Variants in SMYD3 observed in about 807,000 individuals in gnomAD.
SMYD3 encodes histone-lysine N-methyltransferase SMYD3.
Under a neutral mutation model 57.7 loss-of-function variants are expected in SMYD3, and 36 were observed. The observed-to-expected ratio is 0.62, with a 90% CI of 0.48 to 0.82. The LOEUF is 0.82. Ranked by LOEUF, SMYD3 falls within the 40% of genes least tolerant of loss-of-function variation. The pLI is 0.00. For synonymous variants in SMYD3, 211 were observed against 195.0 expected (o/e 1.08, Z -0.68); for missense variants, 515 against 538.8 (o/e 0.96, Z 0.44).
intron 5 of SMYD3, among the ~76,000 whole-genome samples, chr1:246,166,217 T>C (rs2062207693): frequency 6.6e-6 from 1 of 152,098 alleles, no homozygotes; most frequent in Non-Finnish European, 1.5e-5. Flanking sequence ...ACATCAAAGG[T>C]CTATACTGAA....
intron 10 of SMYD3, among the ~76,000 whole-genome samples, chr1:245,793,752 C>T (rs966267146): frequency 6.6e-6 from 1 of 152,158 alleles, no homozygotes; most frequent in Admixed American, 6.5e-5. Context: ...TTAGCTTAGG[C>T]TAACGTGCAA....
chr1:246,362,697 G>C (rs1017324762), intron 1 of SMYD3, among the ~76,000 whole-genome samples: 1 of 152,270 alleles, frequency 6.6e-6, no homozygotes. Context: ...TCCTAACCGC[G>C]AGTGATCCGC....
At chr1:246,498,115 G>T (rs1454730452) in intron 1 of SMYD3, among the ~76,000 whole-genome samples, 1 of 152,186 alleles carries the variant, frequency 6.6e-6, no homozygotes, top group Non-Finnish European at 1.5e-5. Flanking sequence ...TCATTAGTGG[G>T]AATGCAAAAT....
intron 10 of SMYD3, among the ~76,000 whole-genome samples, chr1:245,850,198 C>T (rs1036912909): frequency 3.3e-5 from 5 of 152,190 alleles, no homozygotes; most frequent in Admixed American, 6.5e-5. Context: ...ATATTACAGG[C>T]TTTCTTGGCT....
At chr1:246,489,265 G>A (rs2068233649) in intron 1 of SMYD3, among the ~76,000 whole-genome samples, 1 of 152,108 alleles carries the variant, frequency 6.6e-6, no homozygotes, top group African/African-American at 2.4e-5. Context: ...AGAATGGCGT[G>A]AACCCGGGAG....
intron 5 of SMYD3, among the ~76,000 whole-genome samples, chr1:245,994,122 G>T (rs2058874565): frequency 6.6e-6 from 1 of 152,120 alleles, no homozygotes; most frequent in Admixed American, 6.6e-5. Flanking sequence ...TTTCATTACA[G>T]AAATAAAATA....
At chr1:246,156,341 G>C (rs1017242653) in intron 5 of SMYD3, among the ~76,000 whole-genome samples, 9 of 151,986 alleles carry the variant, frequency 5.9e-5, no homozygotes, top group Admixed American at 2.0e-4. Context: ...GCAGAGACAA[G>C]CAATTTACCT....
intron 5 of SMYD3, among the ~76,000 whole-genome samples, chr1:246,154,561 T>G (rs556938087): frequency 6.6e-6 from 1 of 152,272 alleles, no homozygotes; most frequent in African/African-American, 2.4e-5. Context: ...AACAGTAGAA[T>G]AGTAATTAAC....
At chr1:246,071,856 A>G (rs1226196880) in intron 5 of SMYD3, among the ~76,000 whole-genome samples, 1 of 136,280 alleles carries the variant, frequency 7.3e-6, no homozygotes, top group East Asian at 2.1e-4. Context: ...CTGGGGAGGG[A>G]TTCGTGTGCT....
chr1:246,429,190 T>G (rs1473999953), intron 1 of SMYD3, among the ~76,000 whole-genome samples: 2 of 151,754 alleles, frequency 1.3e-5, no homozygotes, highest in Non-Finnish European at 2.9e-5. Flanking sequence ...AACTGCCATG[T>G]AATGAGCTGG....
At chr1:246,145,532 G>A (rs1045589284) in intron 5 of SMYD3, among the ~76,000 whole-genome samples, 1 of 152,126 alleles carries the variant, frequency 6.6e-6, no homozygotes, top group African/African-American at 2.4e-5. Flanking sequence ...TTTGATTATT[G>A]ATTAACTGCT....
chr1:245,951,204 C>T (rs554745277), intron 5 of SMYD3, among the ~76,000 whole-genome samples: 2 of 152,056 alleles, frequency 1.3e-5, no homozygotes, highest in African/African-American at 4.8e-5. Context: ...CCACGGCAGC[C>T]GACAGCCTGT....
In SMYD3 at chr1:245,877,150, C is replaced by T. The variant is rs545417285; in HGVS notation, c.814-13264G>A. 1.5e-3 allele frequency among the ~76,000 whole-genome samples: 233 copies of T among 152,288 alleles called. 2 individuals are homozygous for T. The highest frequency in any genetic ancestry group is 5.1e-3 in the African/African-American group (210 of 41,544). On this transcript the variant is annotated intron_variant, in intron 8 of 11. Coordinates refer to ENST00000490107, the MANE Select transcript of SMYD3 (RefSeq NM_001167740.2). ...GCATGGCAGGGCGGCGCTGCGGAGA[C>T]GGGGCAGCTCCCCGGCCCTCTGCTG... is the stretch of plus-strand genomic sequence containing the variant.
intron 5 of SMYD3, among the ~76,000 whole-genome samples, chr1:246,189,901 T>A (rs552326612): frequency 6.6e-6 from 1 of 152,330 alleles, no homozygotes; most frequent in East Asian, 1.9e-4. Context: ...AAAAGCAACA[T>A]GTACATTTCT....
intron 2 of SMYD3, among the ~76,000 whole-genome samples, chr1:246,340,359 C>T (rs1412545712): frequency 1.3e-5 from 2 of 151,158 alleles, no homozygotes; most frequent in East Asian, 3.9e-4. Context: ...TTAAATGTCT[C>T]CAATATACAA....
chr1:246,364,892 T>A (rs1401984523), intron 1 of SMYD3, among the ~76,000 whole-genome samples: 6 of 152,160 alleles, frequency 3.9e-5, no homozygotes, highest in African/African-American at 1.4e-4. Context: ...CACTTAGCTG[T>A]TCATGAGACA....
At chr1:246,485,075 C>A (rs1026252933) in intron 1 of SMYD3, among the ~76,000 whole-genome samples, 3 of 138,784 alleles carry the variant, frequency 2.2e-5, no homozygotes, top group South Asian at 4.9e-4. Flanking sequence ...GCACTAGTTA[C>A]ACCTGAAAAC....
chr1:246,141,843 G>A (rs1057136392), intron 5 of SMYD3, among the ~76,000 whole-genome samples: 4 of 152,208 alleles, frequency 2.6e-5, no homozygotes, highest in Non-Finnish European at 5.9e-5. Flanking sequence ...TGGAAGCAGA[G>A]TCGAGCTGGA....
At chr1:245,893,576 T>C (rs9287200) in intron 8 of SMYD3, among the ~76,000 whole-genome samples, 151,912 of 152,294 alleles carry the variant, frequency 1, 75,769 homozygotes, top group Middle Eastern at 1. Context: ...ACAAATAACA[T>C]GGCTAAGCAA....
Sources: gnomAD v4.1 joint callset for allele counts (sites outside exome capture counted in the v4.1 genomes callset) on GRCh38, gnomAD v4.1.1 for gene constraint, MANE v1.5 for transcripts, NCBI Gene and HGNC (gene_info 2026-07-23, HGNC 2026-07-21) for gene names.